Variants in NEK11 observed in about 807,000 individuals in gnomAD.
NEK11 encodes NIMA related kinase 11, also known as serine/threonine-protein kinase Nek11.
Under a neutral mutation model 80.7 loss-of-function variants are expected in NEK11, and 72 were observed. That is an observed-to-expected ratio of 0.89 (90% CI 0.74 to 1.08). NEK11 has a LOEUF of 1.08. NEK11 is among the 50% of genes least tolerant of loss of function. NEK11 has a pLI of 0.00. For synonymous variants in NEK11, 251 were observed against 260.7 expected (o/e 0.96, Z 0.36); for missense variants, 764 against 763.6 (o/e 1.00, Z -0.01).
intron 14 of NEK11, among the ~76,000 whole-genome samples, chr3:131,181,416 G>C (rs755135976): frequency 6.6e-6 from 1 of 152,206 alleles, no homozygotes; most frequent in Non-Finnish European, 1.5e-5. Context: ...AGCTTGGTGA[G>C]ATCCATGTCA....
chr3:131,149,757 T>C (rs2089253845), intron 7 of NEK11, among the ~76,000 whole-genome samples: 2 of 152,028 alleles, frequency 1.3e-5, no homozygotes, highest in Admixed American at 1.3e-4. Flanking sequence ...TGTTTTTTTC[T>C]GATTTTCTTG....
chr3:131,333,491 C>A (rs1002327121), intron 17 of NEK11, among the ~76,000 whole-genome samples: 9 of 152,034 alleles, frequency 5.9e-5, no homozygotes, highest in African/African-American at 2.2e-4. Context: ...AAGGAACAAC[C>A]GGTACCAGCC....
At chr3:131,039,981 A>G (rs774760374) in intron 3 of NEK11, among the ~76,000 whole-genome samples, 9 of 152,172 alleles carry the variant, frequency 5.9e-5, no homozygotes, top group Non-Finnish European at 1.2e-4. Context: ...AATTAAGAGT[A>G]ATTTGTACAT....
At chr3:131,143,535 T>G (rs1413418821) in intron 7 of NEK11, among the ~76,000 whole-genome samples, 2 of 152,032 alleles carry the variant, frequency 1.3e-5, no homozygotes, top group Admixed American at 1.3e-4. Context: ...TGCTCTGTTT[T>G]CATATGTGGA....
Position 131,167,605 on chromosome 3 carries a change from T to G in NEK11, c.1177-1225T>G, listed in dbSNP as rs1413191710. On this transcript the variant is annotated intron_variant, in intron 12 of 17. Coordinates refer to ENST00000383366, the MANE Select transcript of NEK11 (RefSeq NM_024800.5). ...ATAAATCAAGGTCCTTTGGGGGCCC[T>G]GAAGTAACTGAAGATAAGCCTGAGA... Among the ~76,000 whole-genome samples the G allele has an allele frequency of 2.0e-5, 3 of 152,140 alleles. No individual in the cohort carries two copies. The East Asian group carries it at 5.8e-4, about 29-fold the overall frequency.
chr3:131,244,364 A>G (rs543695446), intron 16 of NEK11, among the ~76,000 whole-genome samples: 1 of 152,250 alleles, frequency 6.6e-6, no homozygotes, highest in Admixed American at 6.5e-5. Context: ...GTTTAATTGT[A>G]TATCAAATAC....
At chr3:131,181,652 A>G (rs1022647428) in intron 14 of NEK11, among the ~76,000 whole-genome samples, 56 of 147,118 alleles carry the variant, frequency 3.8e-4, no homozygotes, top group Non-Finnish European at 1.5e-4. Context: ...AGGCTGAGGC[A>G]GGAGAATGGC....
At chr3:131,302,180 T>A (rs546955048) in intron 17 of NEK11, among the ~76,000 whole-genome samples, 78 of 152,254 alleles carry the variant, frequency 5.1e-4, no homozygotes, top group African/African-American at 1.6e-3. Context: ...GATTTTTTTT[T>A]ATTTCTATAG....
At chr3:131,336,827 A>G (rs1165376125) in intron 17 of NEK11, among the ~76,000 whole-genome samples, 3 of 152,256 alleles carry the variant, frequency 2.0e-5, no homozygotes, top group Non-Finnish European at 2.9e-5. Context: ...CACTTCTCAA[A>G]AGAAGACATT....
intron 17 of NEK11, among the ~76,000 whole-genome samples, chr3:131,295,728 G>A (rs1464515859): frequency 5.3e-5 from 8 of 151,958 alleles, no homozygotes; most frequent in Middle Eastern, 3.2e-3. Context: ...GGTTTTAATT[G>A]AGCAGATTCC....
intron 10 of NEK11, among the ~76,000 whole-genome samples, chr3:131,161,760 A>G (rs940007327): frequency 6.6e-6 from 1 of 152,220 alleles, no homozygotes; most frequent in Admixed American, 6.5e-5. Flanking sequence ...GTGACAAAAT[A>G]ATCTGTACAA....
intron 17 of NEK11, among the ~76,000 whole-genome samples, chr3:131,287,430 C>A (rs1377861761): frequency 6.6e-6 from 1 of 152,050 alleles, no homozygotes; most frequent in Non-Finnish European, 1.5e-5. Context: ...TGCGCCACCA[C>A]GCCTGGCTAA....
intron 3 of NEK11, among the ~76,000 whole-genome samples, chr3:131,058,330 C>A (rs2070055570): frequency 2.6e-5 from 4 of 152,170 alleles, no homozygotes; most frequent in Admixed American, 2.6e-4. Context: ...CATGATGCCT[C>A]CAGCTTTGTT....
chr3:131,217,790 TA>T (rs1326252791), intron 14 of NEK11, among the ~76,000 whole-genome samples: 9 of 152,194 alleles, frequency 5.9e-5, no homozygotes, highest in East Asian at 1.9e-4. Flanking sequence ...TACAATTTCT[TA>T]AAAAAAATTC....
At chr3:131,201,193 CTATATATATATATACTTTCA>C (rs1227988028) in intron 14 of NEK11, among the ~76,000 whole-genome samples, 11 of 145,304 alleles carry the variant, frequency 7.6e-5, no homozygotes, top group Non-Finnish European at 1.7e-4. Flanking sequence ...ATATATATAA[CTATATATATATATACTTTCA>C]TATATATATA....
At chr3:131,120,507 G>A (rs943388036) in intron 5 of NEK11, among the ~76,000 whole-genome samples, 4 of 152,084 alleles carry the variant, frequency 2.6e-5, no homozygotes, top group Non-Finnish European at 5.9e-5. Context: ...TGTGTTTCCC[G>A]AATTTGAATA....
At chr3:131,191,695 T>TA (rs887144978) in intron 14 of NEK11, among the ~76,000 whole-genome samples, 22 of 151,978 alleles carry the variant, frequency 1.4e-4, no homozygotes, top group East Asian at 7.7e-4. Context: ...TGAATTCTGA[T>TA]AAAAAAAATA....
chr3:131,259,545 TGAGTGCCCTTGG>T (rs1233583254), intron 16 of NEK11, among the ~76,000 whole-genome samples: 5 of 152,172 alleles, frequency 3.3e-5, no homozygotes, highest in Admixed American at 1.3e-4. Flanking sequence ...CTTTTATGCA[TGAGTGCCCTTGG>T]GATTGACCCT....
chr3:131,194,374 A>G lies in NEK11; in HGVS notation c.1399+23487A>G, dbSNP rs1434232459. Among the ~76,000 whole-genome samples, 4 of 152,236 alleles carry G rather than the reference A, an allele frequency of 2.6e-5. No homozygotes were observed. The East Asian group carries it at 7.7e-4, about 29-fold the overall frequency. ...GCAATAGTATGATGGGCCCAAATTT[A>G]TATTTCTATATATATGCACCTCTTC... is the stretch of plus-strand genomic sequence containing the variant. On this transcript the variant is annotated intron_variant, in intron 14 of 17. Transcript: ENST00000383366.
Sources: allele counts gnomAD v4.1 joint callset (sites outside exome capture counted in the v4.1 genomes callset), GRCh38; gene constraint gnomAD v4.1.1; transcripts MANE v1.5; gene names NCBI Gene and HGNC (gene_info 2026-07-23, HGNC 2026-07-21).